The following ANKRD27 variants were observed in gnomAD, a reference collection of about 807,000 sequenced individuals.
The protein encoded by ANKRD27 is ankyrin repeat domain-containing protein 27.
In ANKRD27, 112 loss-of-function variants were observed where a neutral mutation model predicts 129.7. The observed-to-expected ratio is 0.86, with a 90% CI of 0.74 to 1.01. ANKRD27 has a LOEUF of 1.01. Ranked by LOEUF, ANKRD27 falls within the 50% of genes least tolerant of loss-of-function variation. The pLI, the probability that ANKRD27 is intolerant of heterozygous loss-of-function variation, is 0.00. For missense variants in ANKRD27, 1,258 were observed against 1,300.5 expected (o/e 0.97, Z 0.50); for synonymous variants, 516 against 511.2 (o/e 1.01, Z -0.13).
rs1438936736 is a variant in ANKRD27 at position 32,639,388 on chromosome 19, T to C, written c.1084A>G (p.Ile362Val). The C allele has an allele frequency of 6.2e-7, 1 of 1,614,214 alleles. No homozygotes were observed. The highest frequency in any genetic ancestry group is 8.5e-7 in the Non-Finnish European group (1 of 1,180,036). The change falls in exon 12 of 29, where the codon ATT becomes GTT. Residue 362 changes from isoleucine to valine, a missense_variant. Physicochemically the swap from Ile to Val is conservative, Grantham distance 29. Coordinates refer to ENST00000306065, the MANE Select transcript of ANKRD27 (RefSeq NM_032139.3). ...LTSFEAAIEY[I>V]RQGSLSAKPP... ...TTAGCAGAGAGGCTTCCTTGCCGAA[T>C]ATATTCAATGGCAGCTTCGAATGAG...
intron 2 of ANKRD27, among the ~76,000 whole-genome samples, chr19:32,656,951 T>C (rs939342228): frequency 6.6e-6 from 1 of 152,210 alleles, no homozygotes; most frequent in Non-Finnish European, 1.5e-5. Flanking sequence ...TGGAAAGAGC[T>C]ATATATTCTA....
chr19:32,637,158 G>C (rs1303083581), intron 12 of ANKRD27: 1 of 152,218 alleles, frequency 6.6e-6, no homozygotes, highest in Non-Finnish European at 1.5e-5. Flanking sequence ...CTGCACCTGA[G>C]AGCACCTGGA....
intron 26 of ANKRD27, among the ~76,000 whole-genome samples, chr19:32,600,508 T>C (rs1364822889): frequency 6.6e-6 from 1 of 151,880 alleles, no homozygotes; most frequent in Non-Finnish European, 1.5e-5. Flanking sequence ...ACCACCACAC[T>C]CCAGCCTGGG....
At chr19:32,615,039 G>A (rs918593122) in intron 22 of ANKRD27, among the ~76,000 whole-genome samples, 1 of 152,108 alleles carries the variant, frequency 6.6e-6, no homozygotes, top group Non-Finnish European at 1.5e-5. Context: ...CAGCTTCCCT[G>A]GGGGGCTTTA....
At chr19:32,669,475 A>G (rs1967824853) in intron 1 of ANKRD27, among the ~76,000 whole-genome samples, 1 of 152,342 alleles carries the variant, frequency 6.6e-6, no homozygotes, top group African/African-American at 2.4e-5. Context: ...AGTTCCTGAC[A>G]TAGTTGGTTC....
chr19:32,623,358 C>T (rs915952890), intron 17 of ANKRD27, among the ~76,000 whole-genome samples: 5 of 152,096 alleles, frequency 3.3e-5, no homozygotes, highest in South Asian at 2.1e-4. Flanking sequence ...GCTGAACGCC[C>T]GAGTTTCTTC....
rs761690468 is a variant in ANKRD27, at chr19:32,649,759, T to C, written c.136A>G (p.Ser46Gly). The C allele has an allele frequency of 6.2e-7, 1 of 1,614,084 alleles. No homozygotes were observed. Among genetic ancestry groups the C allele is most frequent in the Admixed American group, 1.7e-5 (1 of 60,000 alleles). Reference sequence around the variant, plus strand: ...TCAAACTGACAAGTAGACTGGATGCTGCTCGACAGGCTTCCTTTGCAGGGT... The same window carrying C: ...TCAAACTGACAAGTAGACTGGATGCCGCTCGACAGGCTTCCTTTGCAGGGT... ...LVPCKGSLSS[S>G]IQSTCQFESY... is the part of the protein sequence containing the mutation. The change falls in exon 3 of 29, where the codon AGC becomes GGC. Residue 46 changes from serine (S) to glycine (G), a missense_variant. Physicochemically the swap from Ser to Gly is moderately conservative, Grantham distance 56 (BLOSUM62 0). Coordinates refer to ENST00000306065, the MANE Select transcript of ANKRD27 (RefSeq NM_032139.3).
Position 32,646,514 on chromosome 19 carries a change from T to C in ANKRD27, c.315A>G (p.Glu105=). The change falls in exon 4 of 29, where the codon GAA becomes GAG. Residue 105 remains glutamate (E), a synonymous_variant. Coordinates refer to ENST00000306065, the MANE Select transcript of ANKRD27 (RefSeq NM_032139.3). ...CTATACACAGGATGCTGAAACTCTC[T>C]TCTTTTTCATTGTAGAAAGTTTCTT... is the stretch of plus-strand genomic sequence containing the variant. ...LFEETFYNEK[E]ESFSILCIAH... is the part of the protein sequence containing the mutation. 6.2e-7 allele frequency: 1 copy of C among 1,614,208 alleles called. No homozygotes were observed. The highest frequency in any genetic ancestry group is 8.5e-7 in the Non-Finnish European group (1 of 1,180,012).
rs186561293 is a variant in ANKRD27, at chr19:32,662,914, T to C, written c.-30-3869A>G. Among the ~76,000 whole-genome samples the C allele has an allele frequency of 3.4e-3, 524 of 152,060 alleles. 2 individuals carry two copies. The highest frequency in any genetic ancestry group is 0.012 in the African/African-American group (481 of 41,484). Reference sequence around the variant, plus strand: ...AAAATTAGCCAGGCGTGATGGCATGTGCCTGTAATCCCAGCTACTTGGGAG... The same window carrying C: ...AAAATTAGCCAGGCGTGATGGCATGCGCCTGTAATCCCAGCTACTTGGGAG... On this transcript the variant is annotated intron_variant, in intron 1 of 28. Transcript: ENST00000306065.
rs1382422902 is a variant in ANKRD27, at chr19:32,628,786, C to T, written c.1273G>A (p.Asp425Asn). The T allele has an allele frequency of 6.2e-7, 1 of 1,614,154 alleles. No homozygotes were observed. Among genetic ancestry groups the T allele is most frequent in the South Asian group, 1.1e-5 (1 of 91,074 alleles). ...GGGTGACACATCTTTTGGACGGTAT[C>T]TTTATCATGGTCCTCTTGGCTCAGA... ...RLLSQEDHDKDTVQKMCHPLC... is the reference protein window; with the variant it reads ...RLLSQEDHDKNTVQKMCHPLC... The change falls in exon 14 of 29, where the codon GAT becomes AAT. Residue 425 changes from aspartate (D) to asparagine (N), a missense_variant. Transcript: ENST00000306065.
At chr19:32,649,905 A>G in intron 2 of ANKRD27, 113 bp from the exon 3 acceptor site, 1 of 741,996 alleles carries the variant, frequency 1.3e-6, no homozygotes, top group Non-Finnish European at 2.4e-6. Context: ...CTGCTGGCAG[A>G]GAGAACGCCC....
intron 1 of ANKRD27, chr19:32,672,952 A>T (rs1967901146): frequency 6.6e-6 from 1 of 152,300 alleles, no homozygotes; most frequent in East Asian, 1.9e-4. Flanking sequence ...CCACTCCTCT[A>T]TGAGAGGATG....
At chr19:32,642,968 A>C in intron 9 of ANKRD27, 155 bp downstream of exon 9, 1 of 723,724 alleles carries the variant, frequency 1.4e-6, no homozygotes, top group South Asian at 1.7e-5. Context: ...TATAAAGGGC[A>C]GCCCTTTATC....
intron 12 of ANKRD27, among the ~76,000 whole-genome samples, chr19:32,634,942 C>T (rs1437314916): frequency 6.6e-6 from 1 of 152,042 alleles, no homozygotes; most frequent in Non-Finnish European, 1.5e-5. Flanking sequence ...GGACTCAAAC[C>T]CTCAAACCAA....
intron 22 of ANKRD27, among the ~76,000 whole-genome samples, chr19:32,614,032 A>C (rs1277075547): frequency 6.6e-6 from 1 of 152,018 alleles, no homozygotes; most frequent in Non-Finnish European, 1.5e-5. Context: ...GATTAGGGAA[A>C]TGGAGAACAG....
chr19:32,619,241 C>A lies in ANKRD27; in HGVS notation c.2007+19G>T. On this transcript the variant is annotated intron_variant, in intron 20 of 28. Coordinates refer to ENST00000306065, the MANE Select transcript of ANKRD27 (RefSeq NM_032139.3). ...CCGCCAAGGCCTCCCCTCCCCAGCC[C>A]TTCCTCTGGAAGCCTCACCTCTCTG... 6.2e-7 allele frequency: 1 copy of A among 1,605,270 alleles called. No homozygotes were observed. The highest frequency in any genetic ancestry group is 1.1e-5 in the South Asian group (1 of 90,422).
chr19:32,619,565 AG>A lies in ANKRD27; in HGVS notation c.1828-13del. 1 of 1,614,040 alleles carries A rather than the reference AG, an allele frequency of 6.2e-7. No individual in the cohort carries two copies. Among genetic ancestry groups the A allele is most frequent in the East Asian group, 2.2e-5 (1 of 44,864 alleles). ...ATTACAGACAGAATCTAGGGGGACA[AG>A]GGGGATGCCAACAGTACCCCGTGAG... On this transcript the variant is annotated splice_polypyrimidine_tract_variant and intron_variant, in intron 18 of 28. Coordinates refer to ENST00000306065, the MANE Select transcript of ANKRD27 (RefSeq NM_032139.3).
intron 5 of ANKRD27, among the ~76,000 whole-genome samples, chr19:32,643,995 C>A (rs1349575379): frequency 6.6e-6 from 1 of 152,056 alleles, no homozygotes; most frequent in African/African-American, 2.4e-5. Context: ...CCACCTCGGC[C>A]TCCCAAGTAG....
chr19:32,636,723 C>A (rs144894536), intron 12 of ANKRD27, among the ~76,000 whole-genome samples: 7,973 of 143,162 alleles, frequency 0.056, 494 homozygotes, highest in Admixed American at 0.19. Context: ...CTCTCTCTCT[C>A]TATATATATA....
Sources: gnomAD v4.1 joint callset for allele counts (sites outside exome capture counted in the v4.1 genomes callset) on GRCh38, gnomAD v4.1.1 for gene constraint, MANE v1.5 for transcripts, NCBI Gene and HGNC (gene_info 2026-07-23, HGNC 2026-07-21) for gene names.